The following CNTN5 variants were observed in gnomAD, a reference collection of about 807,000 sequenced individuals.
The protein encoded by CNTN5 is contactin-5.
Under a neutral mutation model 129.1 loss-of-function variants are expected in CNTN5, and 77 were observed. The ratio of observed to expected loss-of-function variants is 0.60; its 90% CI spans 0.50 to 0.72. The LOEUF (loss-of-function observed/expected upper bound fraction) is 0.72, where lower values mean the gene tolerates loss of function less well. Ranked by LOEUF, CNTN5 falls within the 30% of genes least tolerant of loss-of-function variation. The pLI, the probability that CNTN5 is intolerant of heterozygous loss-of-function variation, is 0.00. For missense variants in CNTN5, 1,478 were observed against 1,328.8 expected (o/e 1.11, Z -1.75); for synonymous variants, 509 against 465.6 (o/e 1.09, Z -1.20).
intron 18 of CNTN5, among the ~76,000 whole-genome samples, chr11:100,280,963 A>G (rs906163917): frequency 2.0e-5 from 3 of 152,170 alleles, no homozygotes; most frequent in Non-Finnish European, 2.9e-5. Context: ...AAAGAAAACT[A>G]GTAAAAAATC....
At chr11:99,831,548 A>G (rs1318857417) in intron 4 of CNTN5, among the ~76,000 whole-genome samples, 2 of 152,026 alleles carry the variant, frequency 1.3e-5, no homozygotes, top group African/African-American at 4.8e-5. Flanking sequence ...TTCAGATGTA[A>G]TGGTATCACC....
chr11:99,148,422 C>G (rs1418537686), intron 1 of CNTN5, among the ~76,000 whole-genome samples: 1 of 152,012 alleles, frequency 6.6e-6, no homozygotes, highest in Non-Finnish European at 1.5e-5. Context: ...TGAGACAACT[C>G]TATCTAATCA....
chr11:99,688,705 C>T (rs958529947), intron 3 of CNTN5, among the ~76,000 whole-genome samples: 30 of 152,176 alleles, frequency 2.0e-4, no homozygotes, highest in African/African-American at 6.7e-4. Flanking sequence ...ATCCCATCAC[C>T]GAGGTATTAA....
intron 18 of CNTN5, among the ~76,000 whole-genome samples, chr11:100,296,491 G>GT (rs1281961033): frequency 1.3e-5 from 2 of 151,510 alleles, no homozygotes; most frequent in Non-Finnish European, 3.0e-5. Context: ...ATAAAGATTG[G>GT]TAACTGCTGC....
chr11:100,253,189 T>C (rs1591439279), intron 16 of CNTN5, among the ~76,000 whole-genome samples: 3 of 152,304 alleles, frequency 2.0e-5, no homozygotes, highest in African/African-American at 7.2e-5. Context: ...CAGTTGAAGA[T>C]ACTTTCTAAA....
At chr11:99,067,042 A>C (rs553747379) in intron 1 of CNTN5, among the ~76,000 whole-genome samples, 4 of 152,100 alleles carry the variant, frequency 2.6e-5, no homozygotes, top group East Asian at 3.9e-4. Context: ...CTTCCCACTT[A>C]TTTTCCCTTT....
chr11:100,214,086 T>G (rs1949090100), intron 15 of CNTN5, among the ~76,000 whole-genome samples: 1 of 152,156 alleles, frequency 6.6e-6, no homozygotes, highest in South Asian at 2.1e-4. Flanking sequence ...AAACTTGAAT[T>G]GTGAAAAAGT....
chr11:99,440,128 C>A (rs540524160), intron 2 of CNTN5, among the ~76,000 whole-genome samples: 1 of 152,016 alleles, frequency 6.6e-6, no homozygotes, highest in Non-Finnish European at 1.5e-5. Flanking sequence ...ACATTTTTTT[C>A]TATAACTTTC....
At chr11:100,113,998 C>T (rs1945756331) in intron 13 of CNTN5, among the ~76,000 whole-genome samples, 1 of 152,104 alleles carries the variant, frequency 6.6e-6, no homozygotes, top group East Asian at 1.9e-4. Flanking sequence ...TTCTTCCATC[C>T]CTCTTGAATG....
chr11:99,407,758 C>T (rs561386046), intron 2 of CNTN5, among the ~76,000 whole-genome samples: 1 of 152,096 alleles, frequency 6.6e-6, no homozygotes, highest in Non-Finnish European at 1.5e-5. Flanking sequence ...ATCTGTAACT[C>T]CCCCCTCACT....
At chr11:99,891,388 T>C (rs1169847595) in intron 6 of CNTN5, among the ~76,000 whole-genome samples, 1 of 152,130 alleles carries the variant, frequency 6.6e-6, no homozygotes, top group African/African-American at 2.4e-5. Context: ...CGTGCAGATT[T>C]GTTACATAGG....
At chr11:99,259,547 A>G (rs763230156) in intron 1 of CNTN5, among the ~76,000 whole-genome samples, 2 of 151,878 alleles carry the variant, frequency 1.3e-5, no homozygotes, top group African/African-American at 4.8e-5. Flanking sequence ...CAGGTTTTTC[A>G]ACTGATAGGC....
intron 3 of CNTN5, among the ~76,000 whole-genome samples, chr11:99,678,600 G>A (rs1464122624): frequency 6.6e-6 from 1 of 152,052 alleles, no homozygotes; most frequent in South Asian, 2.1e-4. Flanking sequence ...GCTTTGACCA[G>A]AGCTCCAATG....
intron 1 of CNTN5, among the ~76,000 whole-genome samples, chr11:99,316,980 GGT>G (rs1865369931): frequency 1.3e-5 from 2 of 152,084 alleles, no homozygotes; most frequent in Non-Finnish European, 2.9e-5. Context: ...CGATGCCAGT[GGT>G]AGAAAAGCAA....
At chr11:99,480,863 T>C (rs1450459036) in intron 2 of CNTN5, among the ~76,000 whole-genome samples, 2 of 152,176 alleles carry the variant, frequency 1.3e-5, no homozygotes, top group African/African-American at 4.8e-5. Context: ...TCTTTTACCC[T>C]ACTAAGTTCT....
At chr11:99,355,811 GTTTTTTTTTGTTTTT>G (rs1051170501) in intron 2 of CNTN5, among the ~76,000 whole-genome samples, 74 of 127,896 alleles carry the variant, frequency 5.8e-4, no homozygotes, top group African/African-American at 1.5e-3. Context: ...ATCTGTCATG[GTTTTTTTTTGTTTTT>G]TTTTTTTTTG....
intron 1 of CNTN5, among the ~76,000 whole-genome samples, chr11:99,134,894 G>T (rs577174955): frequency 6.6e-6 from 1 of 152,310 alleles, no homozygotes; most frequent in South Asian, 2.1e-4. Context: ...ACTATGTGAA[G>T]CTGTGTGTCC....
At position 99,965,132 on chromosome 11, in the gene CNTN5, T is replaced by C. The variant is rs962226209; in HGVS notation, c.877+8123T>C. On this transcript the variant is annotated intron_variant, in intron 8 of 24. Transcript: ENST00000524871. Reference sequence around the variant, plus strand: ...ACCAGCTCCTGGATTCATTGATTTTTTGAACGGTTTTTTGTGTCTTTATTT... The same window carrying C: ...ACCAGCTCCTGGATTCATTGATTTTCTGAACGGTTTTTTGTGTCTTTATTT... 7.0e-4 allele frequency among the ~76,000 whole-genome samples: 107 copies of C among 152,356 alleles called. 1 individual carries two copies. Among genetic ancestry groups the C allele is most frequent in the Admixed American group, 2.5e-3 (39 of 15,310 alleles).
chr11:100,106,587 C>T (rs996694859), intron 13 of CNTN5, among the ~76,000 whole-genome samples: 4 of 151,976 alleles, frequency 2.6e-5, no homozygotes, highest in African/African-American at 9.7e-5. Flanking sequence ...AGTGAACTTA[C>T]AGTTTAAATT....
Sources: gnomAD v4.1 joint callset for allele counts (sites outside exome capture counted in the v4.1 genomes callset) on GRCh38, gnomAD v4.1.1 for gene constraint, MANE v1.5 for transcripts, NCBI Gene and HGNC (gene_info 2026-07-23, HGNC 2026-07-21) for gene names.